BRINP3: variants seen among roughly 807,000 people sequenced by gnomAD.
The protein encoded by BRINP3 is BMP/retinoic acid-inducible neural-specific protein 3.
Under a neutral mutation model 71.0 loss-of-function variants are expected in BRINP3, and 19 were observed. That is an observed-to-expected ratio of 0.27 (90% CI 0.19 to 0.39). BRINP3 has a LOEUF of 0.39. Ranked by LOEUF, BRINP3 falls within the 10% of genes least tolerant of loss-of-function variation. The pLI, the probability that BRINP3 is intolerant of heterozygous loss-of-function variation, is 1.00. For synonymous variants in BRINP3, 380 were observed against 337.7 expected (o/e 1.13, Z -1.37); for missense variants, 959 against 940.8 (o/e 1.02, Z -0.25).
At chr1:190,113,391 G>A (rs1302581163) in intron 7 of BRINP3, among the ~76,000 whole-genome samples, 6 of 152,064 alleles carry the variant, frequency 3.9e-5, no homozygotes, top group South Asian at 2.1e-4. Flanking sequence ...TAGAGAGGGC[G>A]GAGATTGTGG....
At chr1:190,339,005 AAAATAAATAAATAAATAAATAAAT>A (rs144106726) in intron 2 of BRINP3, among the ~76,000 whole-genome samples, 2 of 143,776 alleles carry the variant, frequency 1.4e-5, no homozygotes, top group African/African-American at 5.1e-5. Context: ...TTGCAAATGC[AAAATAAATAAATAAATAAATAAAT>A]AAATAAATAA....
chr1:190,284,048 T>C (rs1446305617), intron 2 of BRINP3, among the ~76,000 whole-genome samples: 1 of 151,996 alleles, frequency 6.6e-6, no homozygotes, highest in Admixed American at 6.6e-5. Context: ...ATATTTTATA[T>C]CCTGTATAAA....
chr1:190,442,685 T>A (rs1674908361), intron 2 of BRINP3, among the ~76,000 whole-genome samples: 1 of 151,870 alleles, frequency 6.6e-6, no homozygotes, highest in Non-Finnish European at 1.5e-5. Context: ...TGTGTGTGTA[T>A]TTTCTTCAAA....
intron 2 of BRINP3, among the ~76,000 whole-genome samples, chr1:190,419,878 C>T (rs1673257781): frequency 6.6e-6 from 1 of 151,540 alleles, no homozygotes; most frequent in Non-Finnish European, 1.5e-5. Flanking sequence ...AAAAAATACT[C>T]CCAGGTCAAT....
intron 2 of BRINP3, among the ~76,000 whole-genome samples, chr1:190,285,367 G>A (rs1663341008): frequency 6.6e-6 from 1 of 152,096 alleles, no homozygotes; most frequent in Admixed American, 6.6e-5. Flanking sequence ...TGGTCCATAA[G>A]CCCGGACATT....
chr1:190,395,879 C>T (rs1324991698), intron 2 of BRINP3, among the ~76,000 whole-genome samples: 3 of 151,728 alleles, frequency 2.0e-5, no homozygotes, highest in Non-Finnish European at 4.4e-5. Context: ...CTTCTTAGTA[C>T]TTTTCAAAGC....
intron 6 of BRINP3, among the ~76,000 whole-genome samples, chr1:190,222,269 G>A (rs1656956218): frequency 6.6e-6 from 1 of 151,428 alleles, no homozygotes; most frequent in African/African-American, 2.4e-5. Flanking sequence ...GAGGAACCTT[G>A]GAAAATACAC....
At chr1:190,233,472 C>T (rs988948976) in intron 5 of BRINP3, among the ~76,000 whole-genome samples, 21 of 152,192 alleles carry the variant, frequency 1.4e-4, no homozygotes, top group South Asian at 2.1e-4. Context: ...TAAGCCACCA[C>T]GTGGGGACAC....
intron 2 of BRINP3, among the ~76,000 whole-genome samples, chr1:190,453,196 C>G (rs915223773): frequency 3.1e-5 from 2 of 64,390 alleles, no homozygotes; most frequent in African/African-American, 4.7e-5. Flanking sequence ...GAAAGAAAAA[C>G]TTTAGTATTT....
chr1:190,253,345 AC>A (rs1328952289), intron 4 of BRINP3, among the ~76,000 whole-genome samples: 2 of 152,156 alleles, frequency 1.3e-5, no homozygotes, highest in Non-Finnish European at 2.9e-5. Flanking sequence ...TTGAGCAATC[AC>A]CACACTGTCT....
intron 2 of BRINP3, among the ~76,000 whole-genome samples, chr1:190,319,766 T>G (rs1199320766): frequency 2.6e-5 from 4 of 152,016 alleles, no homozygotes; most frequent in Non-Finnish European, 5.9e-5. Context: ...ACCCCCTTGA[T>G]CCAATCACCT....
At chr1:190,431,123 A>G (rs896511210) in intron 2 of BRINP3, among the ~76,000 whole-genome samples, 2 of 152,180 alleles carry the variant, frequency 1.3e-5, no homozygotes, top group African/African-American at 4.8e-5. Context: ...CCAAAAGCAT[A>G]GTGCATTTCT....
At chr1:190,460,477 G>C (rs1387656191) in intron 1 of BRINP3, among the ~76,000 whole-genome samples, 2 of 151,642 alleles carry the variant, frequency 1.3e-5, no homozygotes, top group African/African-American at 4.9e-5. Context: ...TTCCACTATA[G>C]TTTATTAATT....
intron 7 of BRINP3, among the ~76,000 whole-genome samples, chr1:190,101,731 C>T (rs16832009): frequency 0.18 from 27,908 of 152,026 alleles, 2,725 homozygotes; most frequent in South Asian, 0.26. Context: ...CTTGAGCCAA[C>T]TCATCTCCCA....
At position 190,429,841 on chromosome 1, in the gene BRINP3, G is replaced by GC. The variant is rs537949690; in HGVS notation, c.236+24813dup. Among the ~76,000 whole-genome samples, 7 of 151,914 alleles carry GC rather than the reference G, an allele frequency of 4.6e-5. No homozygotes were observed. The South Asian group carries it at 1.5e-3, about 31-fold the overall frequency. ...CGACATCAAGTCATCTGCCCTGCCC[G>GC]CCTTGGCCTCCCAAAGTGCTGGGAT... On this transcript the variant is annotated intron_variant, in intron 2 of 7. Transcript: ENST00000367462.
chr1:190,231,555 C>T (rs954699742), intron 5 of BRINP3, among the ~76,000 whole-genome samples: 2 of 151,752 alleles, frequency 1.3e-5, no homozygotes, highest in Non-Finnish European at 3.0e-5. Flanking sequence ...TCTGGTTATA[C>T]TTTCACTCAG....
intron 7 of BRINP3, among the ~76,000 whole-genome samples, chr1:190,135,887 T>G (rs1441668680): frequency 6.6e-6 from 1 of 152,098 alleles, no homozygotes; most frequent in South Asian, 2.1e-4. Flanking sequence ...TCTCTAACTC[T>G]CTTATCTCTA....
At chr1:190,255,250 T>G (rs1660554979) in intron 4 of BRINP3, among the ~76,000 whole-genome samples, 1 of 151,774 alleles carries the variant, frequency 6.6e-6, no homozygotes, top group South Asian at 2.1e-4. Context: ...TTTTTTTTTT[T>G]TGTTGTGTCT....
chr1:190,461,053 T>A (rs1676364293), intron 1 of BRINP3, among the ~76,000 whole-genome samples: 1 of 152,210 alleles, frequency 6.6e-6, no homozygotes, highest in South Asian at 2.1e-4. Context: ...GTCAGAGTGA[T>A]CTTACTAAAA....
Sources: allele counts gnomAD v4.1 joint callset (sites outside exome capture counted in the v4.1 genomes callset), GRCh38; gene constraint gnomAD v4.1.1; transcripts MANE v1.5; gene names NCBI Gene and HGNC (gene_info 2026-07-23, HGNC 2026-07-21).